The following STAG1 variants were observed in gnomAD, a reference collection of about 807,000 sequenced individuals.
STAG1 encodes STAG1 cohesin complex component.
In STAG1, 26 loss-of-function variants were observed where a neutral mutation model predicts 170.9. That is an observed-to-expected ratio of 0.15 (90% CI 0.11 to 0.21). STAG1 has a LOEUF of 0.21. Ranked by LOEUF, STAG1 falls within the 10% of genes least tolerant of loss-of-function variation. STAG1 has a pLI of 1.00. For synonymous variants in STAG1, 514 were observed against 497.7 expected, an observed-to-expected ratio of 1.03 and a Z score of -0.44; for missense variants, 964 against 1,509.5, an observed-to-expected ratio of 0.64 and a Z score of 5.99.
At chr3:136,617,762 C>T (rs1386255975) in intron 3 of STAG1, among the ~76,000 whole-genome samples, 1 of 151,976 alleles carries the variant, frequency 6.6e-6, no homozygotes, top group Non-Finnish European at 1.5e-5. Flanking sequence ...TATCACAACG[C>T]TGGGTCAAAA....
intron 29 of STAG1, among the ~76,000 whole-genome samples, chr3:136,348,021 T>C (rs1179870587): frequency 6.6e-6 from 1 of 152,186 alleles, no homozygotes; most frequent in African/African-American, 2.4e-5. Flanking sequence ...AAAGAATCAT[T>C]AGATTTAAAT....
intron 1 of STAG1, among the ~76,000 whole-genome samples, chr3:136,736,234 G>T (rs746119351): frequency 6.6e-6 from 1 of 152,212 alleles, no homozygotes; most frequent in African/African-American, 2.4e-5. Context: ...GCTGTGGGAA[G>T]AGAAGGCAGC....
chr3:136,468,719 T>A (rs1266687226), intron 12 of STAG1, among the ~76,000 whole-genome samples: 1 of 152,180 alleles, frequency 6.6e-6, no homozygotes, highest in African/African-American at 2.4e-5. Flanking sequence ...CTGATGAACA[T>A]TCACGCAAAT....
At chr3:136,611,357 C>G (rs552016150) in intron 3 of STAG1, among the ~76,000 whole-genome samples, 257 of 152,206 alleles carry the variant, frequency 1.7e-3, no homozygotes, top group Non-Finnish European at 2.3e-3. Flanking sequence ...CCATGTTGGT[C>G]AGGCTGGTCT....
intron 1 of STAG1, among the ~76,000 whole-genome samples, chr3:136,681,441 T>C (rs1159637350): frequency 6.6e-6 from 1 of 152,136 alleles, no homozygotes. Flanking sequence ...GCCTGTAGCC[T>C]TGGGGGAAAA....
chr3:136,718,615 T>A (rs1933008307), intron 1 of STAG1, among the ~76,000 whole-genome samples: 1 of 152,208 alleles, frequency 6.6e-6, no homozygotes, highest in Non-Finnish European at 1.5e-5. Flanking sequence ...ATCAAATAGT[T>A]ATCTTAAATA....
At chr3:136,677,437 T>C (rs1349719425) in intron 1 of STAG1, among the ~76,000 whole-genome samples, 1 of 152,202 alleles carries the variant, frequency 6.6e-6, no homozygotes, top group Non-Finnish European at 1.5e-5. Flanking sequence ...CATATGACTA[T>C]ATATAAAAAT....
chr3:136,391,725 T>C (rs2087016380), intron 22 of STAG1, among the ~76,000 whole-genome samples: 1 of 152,198 alleles, frequency 6.6e-6, no homozygotes, highest in Non-Finnish European at 1.5e-5. Context: ...TCTTTGTGTA[T>C]GTCCAGAAGG....
At position 136,524,444 on chromosome 3, in the gene STAG1, T is replaced by C. The variant is rs1310481143; in HGVS notation, c.472-3027A>G. Among the ~76,000 whole-genome samples, 5 of 152,326 alleles carry C rather than the reference T, an allele frequency of 3.3e-5. No individual in the cohort carries two copies. The East Asian group carries it at 7.7e-4, about 24-fold the overall frequency. ...TGCTTGTGATTTTTCCACATTGATT[T>C]TGTATCCTGAGACTTTGCTGAAGTT... On this transcript the variant is annotated intron_variant, in intron 6 of 33. Coordinates refer to ENST00000383202, the MANE Select transcript of STAG1 (RefSeq NM_005862.3).
intron 22 of STAG1, among the ~76,000 whole-genome samples, chr3:136,382,338 C>T (rs17266364): frequency 0.071 from 10,690 of 151,448 alleles, 401 homozygotes; most frequent in Non-Finnish European, 0.087. Context: ...AAGCAATCAA[C>T]TGATGAACTA....
chr3:136,506,782 T>A (rs977452069), intron 7 of STAG1, among the ~76,000 whole-genome samples: 1 of 152,168 alleles, frequency 6.6e-6, no homozygotes, highest in Admixed American at 6.5e-5. Context: ...GTTATGTAAG[T>A]GGAAATGCCT....
At position 136,466,524 on chromosome 3, in the gene STAG1, G is replaced by T. The variant is rs149975691; in HGVS notation, c.1206-1536C>A. On this transcript the variant is annotated intron_variant, in intron 12 of 33. Coordinates refer to ENST00000383202, the MANE Select transcript of STAG1 (RefSeq NM_005862.3). Reference sequence around the variant, plus strand: ...TACGTAAAAAGACCAAATCTACGTCGGATTGGTGTACCTGAAAGTGACAGG... The same window carrying T: ...TACGTAAAAAGACCAAATCTACGTCTGATTGGTGTACCTGAAAGTGACAGG... 1.2e-3 allele frequency among the ~76,000 whole-genome samples: 186 copies of T among 152,230 alleles called. 1 individual carries two copies. The highest frequency in any genetic ancestry group is 4.0e-3 in the African/African-American group (166 of 41,542).
chr3:136,436,542 A>T (rs1416672705), intron 15 of STAG1, among the ~76,000 whole-genome samples: 3 of 152,196 alleles, frequency 2.0e-5, no homozygotes, highest in Non-Finnish European at 4.4e-5. Flanking sequence ...TCGGCCTCCC[A>T]AAGTGCTAGA....
chr3:136,731,662 T>C (rs774816306), intron 1 of STAG1, among the ~76,000 whole-genome samples: 20 of 152,252 alleles, frequency 1.3e-4, no homozygotes, highest in Non-Finnish European at 2.6e-4. Flanking sequence ...AAACAAGAAC[T>C]GTGCTTCAAT....
At chr3:136,581,954 TCTTCTCTTC>T (rs1937599341) in intron 4 of STAG1, among the ~76,000 whole-genome samples, 1 of 152,212 alleles carries the variant, frequency 6.6e-6, no homozygotes, top group Non-Finnish European at 1.5e-5. Flanking sequence ...TGTGATACTT[TCTTCTCTTC>T]CTTTTAAAGT....
At chr3:136,563,049 G>C (rs546012249) in intron 5 of STAG1, among the ~76,000 whole-genome samples, 1 of 152,280 alleles carries the variant, frequency 6.6e-6, no homozygotes, top group South Asian at 2.1e-4. Flanking sequence ...TCTTCTAAGG[G>C]CATATCAGAA....
intron 4 of STAG1, among the ~76,000 whole-genome samples, chr3:136,575,601 A>G (rs1033759692): frequency 2.0e-4 from 30 of 149,770 alleles, no homozygotes; most frequent in African/African-American, 6.8e-4. Flanking sequence ...GCTATTTCTG[A>G]TAACACAGCC....
chr3:136,582,635 C>T (rs1559891435), intron 4 of STAG1, among the ~76,000 whole-genome samples: 1 of 152,092 alleles, frequency 6.6e-6, no homozygotes, highest in East Asian at 1.9e-4. Flanking sequence ...GCCATCTCTA[C>T]TAAAACTACA....
chr3:136,555,701 A>G (rs985759449), intron 5 of STAG1, among the ~76,000 whole-genome samples: 2 of 151,726 alleles, frequency 1.3e-5, no homozygotes, highest in South Asian at 2.1e-4. Flanking sequence ...CAATCAATCA[A>G]TCAGTCAATC....
Sources: allele counts gnomAD v4.1 joint callset (sites outside exome capture counted in the v4.1 genomes callset), GRCh38; gene constraint gnomAD v4.1.1; transcripts MANE v1.5; gene names NCBI Gene and HGNC (gene_info 2026-07-23, HGNC 2026-07-21).